DSCAML1: variants seen among roughly 807,000 people sequenced by gnomAD.
DSCAML1 encodes the protein DS cell adhesion molecule like 1.
Under a neutral mutation model 200.5 loss-of-function variants are expected in DSCAML1, and 38 were observed. The ratio of observed to expected loss-of-function variants is 0.19; its 90% CI spans 0.15 to 0.25. The LOEUF is 0.25. Among genes scored for constraint, DSCAML1 ranks in the 10% least tolerant of loss-of-function variants. DSCAML1 has a pLI of 1.00. For missense variants in DSCAML1, 2,223 were observed against 2,858.8 expected (o/e 0.78, Z 5.07); for synonymous variants, 1,215 against 1,165.0 (o/e 1.04, Z -0.87).
intron 11 of DSCAML1, among the ~76,000 whole-genome samples, chr11:117,501,360 C>G (rs2049390811): frequency 6.6e-6 from 1 of 152,142 alleles, no homozygotes; most frequent in South Asian, 2.1e-4. Context: ...CGCCCCCCGA[C>G]AGTGTTGCCT....
intron 3 of DSCAML1, among the ~76,000 whole-genome samples, chr11:117,532,736 TTCTAC>T (rs2050104895): frequency 6.6e-6 from 1 of 152,158 alleles, no homozygotes; most frequent in Admixed American, 6.5e-5. Flanking sequence ...GATCTGGCTT[TTCTAC>T]TTATGGGCTG....
At chr11:117,656,358 C>A (rs2052735076) in intron 3 of DSCAML1, among the ~76,000 whole-genome samples, 1 of 152,178 alleles carries the variant, frequency 6.6e-6, no homozygotes. Flanking sequence ...CTCCTCTGAG[C>A]CTCAGTTTCA....
intron 3 of DSCAML1, among the ~76,000 whole-genome samples, chr11:117,712,856 C>T (rs2053875208): frequency 6.6e-6 from 1 of 152,022 alleles, no homozygotes; most frequent in Non-Finnish European, 1.5e-5. Flanking sequence ...CCCCCCGCCT[C>T]TCTCCCCACC....
intron 3 of DSCAML1, among the ~76,000 whole-genome samples, chr11:117,559,265 C>T (rs1291917182): frequency 6.6e-6 from 1 of 152,214 alleles, no homozygotes; most frequent in Non-Finnish European, 1.5e-5. Flanking sequence ...GAGGACTGAA[C>T]TCCAGCCGGT....
chr11:117,521,090 GC>G, intron 6 of DSCAML1, 39 bp downstream of exon 6: 1 of 1,600,182 alleles, frequency 6.2e-7, no homozygotes, highest in Non-Finnish European at 8.5e-7. Context: ...GAGCTCGGCA[GC>G]CCTGAACCCG....
chr11:117,674,050 G>A (rs1293505494), intron 3 of DSCAML1, among the ~76,000 whole-genome samples: 2 of 152,248 alleles, frequency 1.3e-5, no homozygotes, highest in Non-Finnish European at 2.9e-5. Flanking sequence ...CTCGATCCCC[G>A]CACCTTGCAT....
rs145458058 is a variant in DSCAML1, at chr11:117,593,230, G to A, written c.512-60708C>T. On this transcript the variant is annotated intron_variant, in intron 3 of 32. Transcript: ENST00000651296. Reference sequence around the variant, plus strand: ...AGGGTCACAGACTCACAGGCTCAGTGCAGAAGAAAATGGATGCCTTCTGCC... The same window carrying A: ...AGGGTCACAGACTCACAGGCTCAGTACAGAAGAAAATGGATGCCTTCTGCC... Among the ~76,000 whole-genome samples the A allele has an allele frequency of 3.0e-3, 464 of 152,216 alleles. 3 individuals are homozygous for A. Among genetic ancestry groups the A allele is most frequent in the Middle Eastern group, 0.02 (6 of 294 alleles).
chr11:117,544,761 G>A (rs2050339587), intron 3 of DSCAML1, among the ~76,000 whole-genome samples: 1 of 152,184 alleles, frequency 6.6e-6, no homozygotes, highest in South Asian at 2.1e-4. Flanking sequence ...CCCAGCTCAG[G>A]CCAGGCTGGC....
At chr11:117,546,452 T>A (rs933348030) in intron 3 of DSCAML1, among the ~76,000 whole-genome samples, 21 of 152,284 alleles carry the variant, frequency 1.4e-4, no homozygotes, top group Admixed American at 1.3e-3. Flanking sequence ...CTCTTCTAAG[T>A]GGGGGACTCA....
chr11:117,795,590 G>A lies in DSCAML1; in HGVS notation c.46+1444C>T, dbSNP rs535840471. ...ACCCGGGGGACCCCACTGGGCCTGA[G>A]AAACTCAACTACTTTGTCGACGATT... On this transcript the variant is annotated intron_variant, in intron 1 of 32. Transcript: ENST00000651296. Among the ~76,000 whole-genome samples the A allele has an allele frequency of 2.0e-5, 3 of 152,296 alleles. No homozygotes were observed. In the South Asian group the frequency reaches 6.2e-4, roughly 32 times the overall value.
intron 3 of DSCAML1, among the ~76,000 whole-genome samples, chr11:117,691,023 A>T (rs2053484689): frequency 1.3e-5 from 2 of 152,172 alleles, no homozygotes; most frequent in African/African-American, 2.4e-5. Context: ...CGAGATTACA[A>T]AGGACAGGAT....
chr11:117,773,108 A>G (rs537473406), intron 3 of DSCAML1, among the ~76,000 whole-genome samples: 27 of 152,326 alleles, frequency 1.8e-4, no homozygotes, highest in African/African-American at 6.3e-4. Flanking sequence ...CCTGTGAGTA[A>G]GCACCCAATT....
Position 117,481,117 on chromosome 11 carries a change from G to A in DSCAML1, c.2656+57C>T, listed in dbSNP as rs935588332. ...CCCTGCTCTTTGAGGTGGAGTTAGC[G>A]GTGGGCCCCTGGGCCCTGGGGAGGT... On this transcript the variant is annotated intron_variant, in intron 13 of 32. Coordinates refer to ENST00000651296, the MANE Select transcript of DSCAML1 (RefSeq NM_020693.4). The A allele has an allele frequency of 2.7e-5, 41 of 1,507,670 alleles. 1 individual carries two copies. The East Asian group carries it at 4.3e-4, about 16-fold the overall frequency. 93.4% of individuals were successfully genotyped at this position (1,507,670 alleles called of 1,614,324 possible).
At chr11:117,586,030 T>TA (rs2051134396) in intron 3 of DSCAML1, among the ~76,000 whole-genome samples, 1 of 152,128 alleles carries the variant, frequency 6.6e-6, no homozygotes. Context: ...GCTAAAGGCA[T>TA]GAGGGCCCTT....
At position 117,439,804 on chromosome 11, in the gene DSCAML1, TG is replaced by T; in HGVS notation, c.3980+14del. 1 of 1,610,360 alleles carries T rather than the reference TG, an allele frequency of 6.2e-7. No individual in the cohort carries two copies. Among genetic ancestry groups the T allele is most frequent in the Non-Finnish European group, 8.5e-7 (1 of 1,176,740 alleles). ...CTTTGGGGCCACCCCATCCCTCCAC[TG>T]TCCCGACACACACCTGTCCTTGGTC... On this transcript the variant is annotated intron_variant, in intron 22 of 32. Coordinates refer to ENST00000651296, the MANE Select transcript of DSCAML1 (RefSeq NM_020693.4).
At chr11:117,803,696 T>C (rs2055682064) in intron 1 of DSCAML1, among the ~76,000 whole-genome samples, 1 of 152,214 alleles carries the variant, frequency 6.6e-6, no homozygotes, top group Non-Finnish European at 1.5e-5. Context: ...CTCTGGATTC[T>C]GGTCAGGGCT....
chr11:117,475,302 C>T (rs1193244860), intron 14 of DSCAML1, among the ~76,000 whole-genome samples: 1 of 152,216 alleles, frequency 6.6e-6, no homozygotes, highest in Non-Finnish European at 1.5e-5. Flanking sequence ...CTTCTCAAAA[C>T]ACAAATCTGA....
intron 3 of DSCAML1, among the ~76,000 whole-genome samples, chr11:117,616,184 C>T (rs1050388570): frequency 6.6e-6 from 1 of 152,124 alleles, no homozygotes; most frequent in African/African-American, 2.4e-5. Context: ...TCTAGTGATG[C>T]CTCCAGTGAT....
chr11:117,656,633 T>C (rs984057831), intron 3 of DSCAML1, among the ~76,000 whole-genome samples: 1 of 151,974 alleles, frequency 6.6e-6, no homozygotes, highest in Non-Finnish European at 1.5e-5. Flanking sequence ...ATGAAAAAAA[T>C]TGAGGCTTAG....
Sources: gnomAD v4.1 joint callset for allele counts (sites outside exome capture counted in the v4.1 genomes callset) on GRCh38, gnomAD v4.1.1 for gene constraint, MANE v1.5 for transcripts, NCBI Gene and HGNC (gene_info 2026-07-23, HGNC 2026-07-21) for gene names.